CDH9: variants seen among roughly 807,000 people sequenced by gnomAD.
CDH9 encodes cadherin 9, also known as cadherin-9.
CDH9 carries 28 observed loss-of-function variants against 70.9 expected under a neutral mutation model. The observed-to-expected ratio is 0.40, with a 90% CI of 0.29 to 0.54. The LOEUF (loss-of-function observed/expected upper bound fraction) is 0.54. Ranked by LOEUF, CDH9 falls within the 20% of genes least tolerant of loss-of-function variation. The pLI is 0.59. For missense variants in CDH9, 874 were observed against 984.4 expected (o/e 0.89, Z 1.50); for synonymous variants, 409 against 343.1 (o/e 1.19, Z -2.12).
At chr5:27,021,287 G>C (rs192648835) in intron 1 of CDH9, among the ~76,000 whole-genome samples, 12 of 151,770 alleles carry the variant, frequency 7.9e-5, no homozygotes, top group African/African-American at 2.4e-4. Context: ...TGAGTTTGAC[G>C]TTGACTTATT....
At chr5:26,947,703 T>C (rs1741777730) in intron 2 of CDH9, among the ~76,000 whole-genome samples, 1 of 152,054 alleles carries the variant, frequency 6.6e-6, no homozygotes, top group South Asian at 2.1e-4. Flanking sequence ...AGAAATGCTG[T>C]TTTAGAGAGC....
At position 26,985,911 on chromosome 5, in the gene CDH9, A is replaced by T. The variant is rs146778147; in HGVS notation, c.228+2195T>A. On this transcript the variant is annotated intron_variant, in intron 2 of 11. Coordinates refer to ENST00000231021, the MANE Select transcript of CDH9 (RefSeq NM_016279.4). ...GGGTCCAGTTAGCCACTATATATGC[A>T]AATAAATAGTGATGTCAAAAGCCAG... Among the ~76,000 whole-genome samples, 1,114 of 152,226 alleles carry T rather than the reference A, an allele frequency of 7.3e-3. 19 individuals are homozygous for T. The highest frequency in any genetic ancestry group is 0.025 in the African/African-American group (1,058 of 41,542).
At chr5:26,890,069 T>C (rs1740630703) in intron 8 of CDH9, 112 bp from the exon 9 acceptor site, 1 of 935,540 alleles carries the variant, frequency 1.1e-6, no homozygotes, top group Non-Finnish European at 1.7e-6. Context: ...ACTTTCTCAA[T>C]TGGGCTGCTG....
At chr5:26,893,399 A>G (rs1458005644) in intron 7 of CDH9, among the ~76,000 whole-genome samples, 1 of 152,156 alleles carries the variant, frequency 6.6e-6, no homozygotes, top group African/African-American at 2.4e-5. Context: ...AGTACATGGA[A>G]CCAGTTCAGT....
At chr5:26,900,999 A>T (rs1740845282) in intron 7 of CDH9, among the ~76,000 whole-genome samples, 1 of 152,038 alleles carries the variant, frequency 6.6e-6, no homozygotes, top group African/African-American at 2.4e-5. Flanking sequence ...GCACTCATAT[A>T]CCATTTCAAT....
chr5:27,024,525 T>G (rs865925064), intron 1 of CDH9, among the ~76,000 whole-genome samples: 1 of 152,216 alleles, frequency 6.6e-6, no homozygotes, highest in South Asian at 2.1e-4. Flanking sequence ...GTGTTACTAC[T>G]CTTCTCAAAC....
At chr5:27,034,258 C>T (rs1280221185) in intron 1 of CDH9, among the ~76,000 whole-genome samples, 1 of 151,558 alleles carries the variant, frequency 6.6e-6, no homozygotes, top group Non-Finnish European at 1.5e-5. Context: ...AAAATGAAGT[C>T]ATCTATGCTC....
intron 1 of CDH9, among the ~76,000 whole-genome samples, chr5:26,997,418 A>G (rs1052561884): frequency 6.6e-6 from 1 of 152,334 alleles, no homozygotes; most frequent in East Asian, 1.9e-4. Flanking sequence ...AAAGATGTCC[A>G]TCTTGGAGAT....
chr5:27,002,849 C>A (rs1344200868), intron 1 of CDH9, among the ~76,000 whole-genome samples: 1 of 151,926 alleles, frequency 6.6e-6, no homozygotes, highest in Non-Finnish European at 1.5e-5. Context: ...AGCACACCAA[C>A]ATGGCACATG....
intron 2 of CDH9, among the ~76,000 whole-genome samples, chr5:26,922,336 C>G (rs917160544): frequency 6.6e-6 from 1 of 151,666 alleles, no homozygotes; most frequent in Non-Finnish European, 1.5e-5. Context: ...CTAAAAGCAG[C>G]AAGAGAAAAT....
chr5:27,010,505 C>T (rs1024492928), intron 1 of CDH9, among the ~76,000 whole-genome samples: 1 of 152,070 alleles, frequency 6.6e-6, no homozygotes, highest in Non-Finnish European at 1.5e-5. Flanking sequence ...TAAACTTATC[C>T]CTTTCTTACA....
intron 2 of CDH9, among the ~76,000 whole-genome samples, chr5:26,949,149 G>A (rs1272915349): frequency 6.6e-6 from 1 of 152,128 alleles, no homozygotes; most frequent in Non-Finnish European, 1.5e-5. Context: ...ATATTGAAAT[G>A]AGGCATACAT....
chr5:27,009,544 G>A (rs1742922155), intron 1 of CDH9, among the ~76,000 whole-genome samples: 1 of 151,988 alleles, frequency 6.6e-6, no homozygotes, highest in African/African-American at 2.4e-5. Flanking sequence ...TATTCTGTGG[G>A]TCCATTCACC....
At chr5:27,001,780 A>G (rs1742772871) in intron 1 of CDH9, among the ~76,000 whole-genome samples, 2 of 151,762 alleles carry the variant, frequency 1.3e-5, no homozygotes, top group African/African-American at 2.4e-5. Context: ...GAAATACATG[A>G]TGAACTTGAA....
intron 6 of CDH9, chr5:26,903,295 C>A: frequency 2.8e-6 from 1 of 358,926 alleles, no homozygotes; most frequent in Non-Finnish European, 5.2e-6. Context: ...TTAAATATAT[C>A]ATCACACTTA....
At chr5:26,911,124 T>C (rs1375963897) in intron 3 of CDH9, among the ~76,000 whole-genome samples, 1 of 152,166 alleles carries the variant, frequency 6.6e-6, no homozygotes, top group Non-Finnish European at 1.5e-5. Context: ...TGCAAAATCC[T>C]AAGAACTAAC....
intron 1 of CDH9, among the ~76,000 whole-genome samples, chr5:27,024,467 C>T (rs1039856018): frequency 6.6e-5 from 10 of 151,904 alleles, no homozygotes. Flanking sequence ...TTTTGTTTTC[C>T]ACCTTCCTAA....
chr5:26,914,217 A>T (rs1182159608), intron 3 of CDH9, among the ~76,000 whole-genome samples: 1 of 152,024 alleles, frequency 6.6e-6, no homozygotes, highest in Non-Finnish European at 1.5e-5. Context: ...AATAATATGT[A>T]CACAAGAGAA....
chr5:26,910,109 C>A (rs1741023174), intron 3 of CDH9, among the ~76,000 whole-genome samples: 1 of 151,794 alleles, frequency 6.6e-6, no homozygotes, highest in Non-Finnish European at 1.5e-5. Context: ...AAAAAACATC[C>A]CTCTATATAT....
Sources: allele counts gnomAD v4.1 joint callset (sites outside exome capture counted in the v4.1 genomes callset), GRCh38; gene constraint gnomAD v4.1.1; transcripts MANE v1.5; gene names NCBI Gene and HGNC (gene_info 2026-07-23, HGNC 2026-07-21).